COBLL1: variants seen among roughly 807,000 people sequenced by gnomAD.
The protein encoded by COBLL1 is cordon-bleu WH2 repeat protein like 1.
Under a neutral mutation model 94.8 loss-of-function variants are expected in COBLL1, and 50 were observed. That is an observed-to-expected ratio of 0.53 (90% CI 0.42 to 0.67). The LOEUF (loss-of-function observed/expected upper bound fraction) is 0.67, where lower values mean the gene tolerates loss of function less well. Ranked by LOEUF, COBLL1 falls within the 30% of genes least tolerant of loss-of-function variation. The probability of loss-of-function intolerance (pLI) is 0.00; values close to 1 mark genes in which losing one functional copy is unlikely to be tolerated. For synonymous variants in COBLL1, 448 were observed against 473.8 expected (o/e 0.95, Z 0.71); for missense variants, 1,362 against 1,348.7 (o/e 1.01, Z -0.15).
At chr2:164,707,609 AT>A (rs1012609955) in intron 7 of COBLL1, among the ~76,000 whole-genome samples, 2 of 152,088 alleles carry the variant, frequency 1.3e-5, no homozygotes, top group African/African-American at 4.8e-5. Flanking sequence ...AGAGGCAGAG[AT>A]TTTTTTCCCC....
At chr2:164,678,444 A>C (rs1381342276), downstream of COBLL1, among the ~76,000 whole-genome samples, 1 of 152,130 alleles carries the variant, frequency 6.6e-6, no homozygotes, top group Non-Finnish European at 1.5e-5. Context: ...CCATACAAAA[A>C]ACTTCAGATG....
At chr2:164,718,499 A>G (rs1264480280) in intron 7 of COBLL1, among the ~76,000 whole-genome samples, 2 of 152,320 alleles carry the variant, frequency 1.3e-5, no homozygotes, top group Admixed American at 1.3e-4. Flanking sequence ...AATATTTAGC[A>G]TGAATATTGG....
intron 12 of COBLL1, among the ~76,000 whole-genome samples, chr2:164,693,205 A>C (rs897456768): frequency 6.6e-6 from 1 of 152,172 alleles, no homozygotes; most frequent in Non-Finnish European, 1.5e-5. Context: ...ATGGTATTCT[A>C]TTCCAAGAAA....
intron 2 of COBLL1, among the ~76,000 whole-genome samples, chr2:164,836,395 A>T (rs754047070): frequency 6.6e-6 from 1 of 152,188 alleles, no homozygotes; most frequent in Non-Finnish European, 1.5e-5. Flanking sequence ...ACATAATTTT[A>T]AAAAGAATCA....
rs1558924891 is a variant in COBLL1 at position 164,694,540 on chromosome 2, A to T, written c.2852T>A (p.Ile951Lys). ...AGGAATTGTCACAGGTTTTGGAGCT[A>T]TGGGAGGAGGGGAGGCTTCAGCAGG... ...QAPAEASPPP[I>K]APKPVTIPAS... Residue 951 changes from isoleucine (I) to lysine (K), a missense_variant, in exon 12 of 14, where the codon ATA (isoleucine) becomes AAA (lysine). Ile to Lys is a moderately radical substitution (Grantham distance 102). Coordinates refer to ENST00000652658, the MANE Select transcript of COBLL1 (RefSeq NM_001365672.2). 6.2e-7 allele frequency: 1 copy of T among 1,613,932 alleles called. No homozygotes were observed. The highest frequency in any genetic ancestry group is 8.5e-7 in the Non-Finnish European group (1 of 1,179,930).
chr2:164,764,200 G>T (rs1313409836), intron 2 of COBLL1, among the ~76,000 whole-genome samples: 1 of 152,102 alleles, frequency 6.6e-6, no homozygotes, highest in Non-Finnish European at 1.5e-5. Context: ...CACCCAGCTA[G>T]CTTTTCTTTT....
Position 164,695,488 on chromosome 2 carries a change from T to G in COBLL1, c.1904A>C (p.Asn635Thr). ...TGAGTGTTGAGTTGATATGTTGTTA[T>G]TTGAAGTTTGCACACATTCTTCAAC... ...SKVEECVQTS[N>T]NNISTQHSCL... Residue 635 changes from asparagine (N) to threonine (T), a missense_variant, in exon 12 of 14, where the codon AAT (asparagine) becomes ACT (threonine). By Grantham distance (65) the Asn-to-Thr change is moderately conservative. Coordinates refer to ENST00000652658, the MANE Select transcript of COBLL1 (RefSeq NM_001365672.2). 1 of 1,613,978 alleles carries G rather than the reference T, an allele frequency of 6.2e-7. No individual in the cohort carries two copies. Among genetic ancestry groups the G allele is most frequent in the African/African-American group, 1.3e-5 (1 of 75,038 alleles).
intron 2 of COBLL1, among the ~76,000 whole-genome samples, chr2:164,809,200 G>A (rs1684338621): frequency 6.6e-6 from 1 of 152,006 alleles, no homozygotes; most frequent in Non-Finnish European, 1.5e-5. Context: ...CCCTTCAATA[G>A]AAATCACAGT....
At chr2:164,751,073 A>T (rs1001504392) in intron 2 of COBLL1, among the ~76,000 whole-genome samples, 3 of 152,022 alleles carry the variant, frequency 2.0e-5, no homozygotes, top group Non-Finnish European at 4.4e-5. Flanking sequence ...TTAACCAGAA[A>T]ACTTCAAATT....
In COBLL1 at chr2:164,684,512, G is replaced by C. The variant is rs1399421724; in HGVS notation, c.*1434C>G. 1.1e-4 allele frequency: 17 copies of C among 152,010 alleles called. No individual in the cohort carries two copies. The highest frequency in any genetic ancestry group is 1.1e-3 in the Admixed American group (17 of 15,248). 9.4% of individuals were successfully genotyped at this position (152,010 alleles called of 1,614,324 possible). A position where few individuals can be genotyped will look rare whatever the true frequency, so the allele number is the denominator to read the frequency against. The stretch of plus-strand genomic sequence containing the variant: ...TGAGGGTCTCTCCAACTGATTCAAG[G>C]AAAACAGCAGCAACATTTAGCATTT... On this transcript the variant is annotated 3_prime_UTR_variant, in exon 14 of 14. Transcript: ENST00000652658.
At chr2:164,701,661 T>C (rs997948304) in intron 9 of COBLL1, among the ~76,000 whole-genome samples, 1 of 131,276 alleles carries the variant, frequency 7.6e-6, no homozygotes, top group African/African-American at 3.8e-5. Flanking sequence ...GTGGTTAACA[T>C]TTCACTGTAT....
At chr2:164,823,300 C>G (rs1001803962) in intron 2 of COBLL1, among the ~76,000 whole-genome samples, 1 of 152,182 alleles carries the variant, frequency 6.6e-6, no homozygotes, top group Admixed American at 6.5e-5. Flanking sequence ...GTTTATTTAA[C>G]AAATACTTAC....
At chr2:164,728,573 A>T (rs1685831992) in intron 4 of COBLL1, among the ~76,000 whole-genome samples, 2 of 152,044 alleles carry the variant, frequency 1.3e-5, no homozygotes, top group Non-Finnish European at 2.9e-5. Context: ...CCCTTTGAGG[A>T]ATATTTATCT....
intron 10 of COBLL1, 43 bp from the exon 11 acceptor site, chr2:164,699,542 AACACACACATACAC>A (rs1558931919): frequency 2.6e-6 from 3 of 1,134,718 alleles, no homozygotes; most frequent in Admixed American, 1.7e-5. Flanking sequence ...ATACTATTGA[AACACACACATACAC>A]ACACACACAG....
chr2:164,725,134 A>ATATATATATATAT (rs1558956185), intron 5 of COBLL1: 59 of 55,294 alleles, frequency 1.1e-3, no homozygotes, highest in African/African-American at 2.7e-3. Context: ...ATATATATAT[A>ATATATATATATAT]AAATGAAAGC....
intron 5 of COBLL1, chr2:164,724,220 A>G (rs1401107278): frequency 3.3e-5 from 5 of 152,208 alleles, no homozygotes; most frequent in Non-Finnish European, 7.3e-5. Context: ...ATTAACTAAG[A>G]TGTAGACAAA....
Position 164,776,476 on chromosome 2 carries a change from C to T in COBLL1, c.42-32601G>A, listed in dbSNP as rs116375117. ...ACTCAGATCCCTGTTTAAATGTTAC[C>T]TTCTCATAAAGATTCTTAATCAAGT... is the stretch of plus-strand genomic sequence containing the variant. On this transcript the variant is annotated intron_variant, in intron 2 of 13. Coordinates refer to ENST00000652658, the MANE Select transcript of COBLL1 (RefSeq NM_001365672.2). 5.8e-3 allele frequency among the ~76,000 whole-genome samples: 879 copies of T among 152,186 alleles called. 10 individuals are homozygous for T. The highest frequency in any genetic ancestry group is 0.02 in the African/African-American group (829 of 41,522).
intron 2 of COBLL1, among the ~76,000 whole-genome samples, chr2:164,830,959 G>A (rs1683049160): frequency 6.6e-6 from 1 of 152,152 alleles, no homozygotes; most frequent in Admixed American, 6.5e-5. Context: ...TCACAATAAA[G>A]CTTACCCACT....
In COBLL1 at chr2:164,692,277, G is replaced by A. The variant is rs868427833; in HGVS notation, c.3244C>T (p.Arg1082Ter). ...TFQSSDPEQMRQSLLTAIRSG... is the reference protein window; with the variant it reads ...TFQSSDPEQM Reference sequence around the variant, plus strand: ...CGGATTGCAGTCAGCAAACTCTGTCGCATCTGTTCTGGGTCAGAGCTTTGG... The same window carrying A: ...CGGATTGCAGTCAGCAAACTCTGTCACATCTGTTCTGGGTCAGAGCTTTGG... The change falls in exon 13 of 14, where the codon CGA becomes TGA. Residue 1082 changes from arginine (R) to a stop codon, truncating the protein, a stop_gained. Transcript: ENST00000652658. LOFTEE classifies it high-confidence loss of function. 6 of 1,612,952 alleles carry A rather than the reference G, an allele frequency of 3.7e-6. No homozygotes were observed. Among genetic ancestry groups the A allele is most frequent in the South Asian group, 2.2e-5 (2 of 90,894 alleles).
Sources: gnomAD v4.1 joint callset for allele counts (sites outside exome capture counted in the v4.1 genomes callset) on GRCh38, gnomAD v4.1.1 for gene constraint, MANE v1.5 for transcripts, NCBI Gene and HGNC (gene_info 2026-07-23, HGNC 2026-07-21) for gene names.